SPMIP7: variants seen among roughly 807,000 people sequenced by gnomAD.
The protein encoded by SPMIP7 is sperm microtubule inner protein 7.
the SPMIP7 span, among the ~76,000 whole-genome samples, chr7:50,153,280 C>G: frequency 6.6e-6 from 1 of 152,184 alleles, no homozygotes; most frequent in East Asian, 1.9e-4. Context: ...AGCCAGAGCT[C>G]CTGCTCTGAT....
At chr7:50,135,980 C>T in the SPMIP7 span, 2 of 705,206 alleles carry the variant, frequency 2.8e-6, no homozygotes, top group Non-Finnish European at 5.0e-6. Flanking sequence ...GAGTGCGTTT[C>T]CTAGGGAGCC....
the SPMIP7 span, among the ~76,000 whole-genome samples, chr7:50,127,396 A>C: frequency 6.6e-6 from 1 of 151,908 alleles, no homozygotes; most frequent in East Asian, 1.9e-4. Context: ...CAAAAGTAAA[A>C]ATAGAAAAAA....
chr7:50,117,566 C>T, the SPMIP7 span: 36 of 197,104 alleles, frequency 1.8e-4, no homozygotes, highest in Admixed American at 1.1e-3. Context: ...ACCCCTGCCT[C>T]ATGCAGGTGA....
chr7:50,133,235 T>TTGTG, the SPMIP7 span, among the ~76,000 whole-genome samples: 9 of 150,406 alleles, frequency 6.0e-5, no homozygotes, highest in Admixed American at 4.6e-4. Context: ...GTGTGTGTGT[T>TTGTG]TGTGTGTGTG....
At chr7:50,157,527 T>G in the SPMIP7 span, among the ~76,000 whole-genome samples, 1 of 152,200 alleles carries the variant, frequency 6.6e-6, no homozygotes, top group Non-Finnish European at 1.5e-5. Flanking sequence ...TATACATATG[T>G]GTATCTGTGT....
chr7:50,105,933 C>G, the SPMIP7 span, among the ~76,000 whole-genome samples: 2 of 152,118 alleles, frequency 1.3e-5, no homozygotes, highest in Non-Finnish European at 2.9e-5. Flanking sequence ...TTTTAAAAAA[C>G]CTATGCTACA....
At chr7:50,115,587 C>A in the SPMIP7 span, among the ~76,000 whole-genome samples, 33 of 151,992 alleles carry the variant, frequency 2.2e-4, no homozygotes, top group Admixed American at 6.6e-4. Flanking sequence ...CAAAATTAAA[C>A]TAGAACTCAA....
At chr7:50,141,230 CTA>C in the SPMIP7 span, 1 of 1,233,088 alleles carries the variant, frequency 8.1e-7, no homozygotes, top group Admixed American at 2.0e-5. Context: ...ATGGTTTCTT[CTA>C]TGTTTCTTAT....
At chr7:50,158,633 T>G in the SPMIP7 span, among the ~76,000 whole-genome samples, 7 of 152,092 alleles carry the variant, frequency 4.6e-5, no homozygotes, top group African/African-American at 1.7e-4. Flanking sequence ...TGTCTTCTAC[T>G]ACCCTCTGGG....
the SPMIP7 span, among the ~76,000 whole-genome samples, chr7:50,113,351 G>C: frequency 7.3e-6 from 1 of 136,976 alleles, no homozygotes; most frequent in African/African-American, 2.7e-5. Flanking sequence ...ATATCACCCA[G>C]GGGAAAAATC....
the SPMIP7 span, among the ~76,000 whole-genome samples, chr7:50,109,072 C>A: frequency 1.3e-5 from 2 of 152,114 alleles, no homozygotes; most frequent in African/African-American, 4.8e-5. Flanking sequence ...ATACCAGTTG[C>A]TTTAGTATTG....
the SPMIP7 span, among the ~76,000 whole-genome samples, chr7:50,154,730 C>A: frequency 1.3e-5 from 2 of 152,194 alleles, no homozygotes; most frequent in Non-Finnish European, 2.9e-5. Flanking sequence ...TTGAGTGTAT[C>A]TCCAGAGAAG....
At chr7:50,104,816 G>A in the SPMIP7 span, among the ~76,000 whole-genome samples, 1 of 152,156 alleles carries the variant, frequency 6.6e-6, no homozygotes, top group South Asian at 2.1e-4. Flanking sequence ...TTAGAGCAAC[G>A]GATTAATGCT....
At chr7:50,096,665 T>A in the SPMIP7 span, 1 of 1,474,126 alleles carries the variant, frequency 6.8e-7, no homozygotes, top group South Asian at 1.4e-5. Context: ...GAACTTTCTA[T>A]TTTTTAAATG....
the SPMIP7 span, among the ~76,000 whole-genome samples, chr7:50,109,856 C>T: frequency 6.6e-6 from 1 of 152,082 alleles, no homozygotes; most frequent in Non-Finnish European, 1.5e-5. Context: ...CTGATAGATA[C>T]AGCACTGATA....
At chr7:50,145,618 GTATATATATATATA>G in the SPMIP7 span, among the ~76,000 whole-genome samples, 303 of 27,700 alleles carry the variant, frequency 0.011, 14 homozygotes, top group African/African-American at 0.043. Flanking sequence ...ATATGTGTGT[GTATATATATATATA>G]TATATATATA....
the SPMIP7 span, among the ~76,000 whole-genome samples, chr7:50,115,770 T>G: frequency 6.6e-6 from 1 of 152,162 alleles, no homozygotes; most frequent in Non-Finnish European, 1.5e-5. Flanking sequence ...AAAATACAAG[T>G]CATCTACTCA....
At chr7:50,134,355 G>T in the SPMIP7 span, 1 of 889,060 alleles carries the variant, frequency 1.1e-6, no homozygotes, top group Non-Finnish European at 1.6e-6. Flanking sequence ...ACCTAAGGAA[G>T]TAAATTTATG....
chr7:50,146,278 A>G, the SPMIP7 span, among the ~76,000 whole-genome samples: 1 of 152,232 alleles, frequency 6.6e-6, no homozygotes, highest in South Asian at 2.1e-4. Flanking sequence ...ATAAAGAGCC[A>G]AGATCACTCA....
Sources: allele counts gnomAD v4.1 joint callset (sites outside exome capture counted in the v4.1 genomes callset), GRCh38; gene constraint gnomAD v4.1.1; transcripts MANE v1.5; gene names NCBI Gene and HGNC (gene_info 2026-07-23, HGNC 2026-07-21).